NUTM2B: variants seen among roughly 807,000 people sequenced by gnomAD.
The protein encoded by NUTM2B is NUT family member 2B, also known as family with sequence similarity 22, member B.
In NUTM2B, 2 loss-of-function variants were observed where a neutral mutation model predicts 42.4. The ratio of observed to expected loss-of-function variants is 0.05; its 90% CI spans 0.02 to 0.15. The LOEUF is 0.15. Ranked by LOEUF, NUTM2B falls within the 10% of genes least tolerant of loss-of-function variation. NUTM2B has a pLI of 1.00. For synonymous variants in NUTM2B, 18 were observed against 402.4 expected (o/e 0.04, Z 11.43); for missense variants, 58 against 952.6 (o/e 0.06, Z 12.36).
chr10:79,700,940 G>A (rs2434100), upstream of NUTM2B, among the ~76,000 whole-genome samples: 237 of 152,238 alleles, frequency 1.6e-3, 1 homozygote, highest in African/African-American at 5.1e-3. Flanking sequence ...CTCCATGACC[G>A]TGCCTCTGAG....
At chr10:79,696,937 T>C in the NUTM2B span, among the ~76,000 whole-genome samples, 1 of 135,500 alleles carries the variant, frequency 7.4e-6, no homozygotes. Flanking sequence ...TCTGATCGGC[T>C]GTCAGAGTGT....
At chr10:79,695,589 G>A in the NUTM2B span, among the ~76,000 whole-genome samples, 12 of 152,140 alleles carry the variant, frequency 7.9e-5, no homozygotes, top group Non-Finnish European at 1.8e-4. Context: ...CCCCACCCAG[G>A]AGGCAGATGG....
At chr10:79,705,573 G>A (rs1320302211) in intron 1 of NUTM2B, among the ~76,000 whole-genome samples, 1 of 150,750 alleles carries the variant, frequency 6.6e-6, no homozygotes, top group Non-Finnish European at 1.5e-5. Flanking sequence ...AGAGCGTCAG[G>A]AAAAGGAAGA....
At chr10:79,694,896 G>T in the NUTM2B span, among the ~76,000 whole-genome samples, 1 of 152,070 alleles carries the variant, frequency 6.6e-6, no homozygotes, top group African/African-American at 2.4e-5. Context: ...CACCAGGCCT[G>T]GCTGTACATC....
At chr10:79,703,144 AT>A (rs1240689776), upstream of NUTM2B, 2 of 43,462 alleles carry the variant, frequency 4.6e-5, no homozygotes, top group Non-Finnish European at 8.6e-5. Flanking sequence ...CATGAAAAGT[AT>A]TGCTTGGTTA....
rs1248034577 is a variant in NUTM2B, at chr10:79,709,940, G to T, written c.1351+1G>T. The stretch of plus-strand genomic sequence containing the variant: ...GCCCCTGAGGTGGTCAAGCAGCCAG[G>T]TATGGCTTCCCACATTCCCACAGGA... On this transcript the variant is annotated splice_donor_variant, in intron 4 of 6. Transcript: ENST00000429828. LOFTEE classifies it high-confidence loss of function. The T allele has an allele frequency of 3.5e-6, 2 of 575,610 alleles. No homozygotes were observed. Among genetic ancestry groups the T allele is most frequent in the Non-Finnish European group, 5.2e-6 (2 of 385,918 alleles). 35.7% of individuals were successfully genotyped at this position (575,610 alleles called of 1,614,324 possible).
At chr10:79,694,610 C>A in the NUTM2B span, among the ~76,000 whole-genome samples, 1 of 152,008 alleles carries the variant, frequency 6.6e-6, no homozygotes, top group African/African-American at 2.4e-5. Flanking sequence ...CCAGCTCTGC[C>A]CGTGTCACTT....
At chr10:79,693,511 T>C in the NUTM2B span, among the ~76,000 whole-genome samples, 9 of 152,168 alleles carry the variant, frequency 5.9e-5, no homozygotes, top group East Asian at 1.9e-4. Context: ...CTCAAAAATA[T>C]TGAGCCCAGA....
chr10:79,693,740 G>A, the NUTM2B span, among the ~76,000 whole-genome samples: 1 of 152,160 alleles, frequency 6.6e-6, no homozygotes, highest in African/African-American at 2.4e-5. Context: ...AAAGCAGACA[G>A]AGCTCCATTC....
At chr10:79,696,013 A>C in the NUTM2B span, among the ~76,000 whole-genome samples, 1 of 144,558 alleles carries the variant, frequency 6.9e-6, no homozygotes, top group Non-Finnish European at 1.5e-5. Context: ...ATGACCAGGG[A>C]GGGTCTTTCT....
rs878961987 is a variant in NUTM2B, at chr10:79,707,176, T to C, written c.1082+435T>C. Among the ~76,000 whole-genome samples, 373 of 131,442 alleles carry C rather than the reference T, an allele frequency of 2.8e-3. 1 individual carries two copies. Among genetic ancestry groups the C allele is most frequent in the South Asian group, 3.7e-3 (12 of 3,222 alleles). The allele number at this position is 131,442 out of a possible 152,430, so 86.2% of individuals were successfully genotyped here. ...GCCCAGCAGGAACCTGGCACATGCC[T>C]GCAGTTCCGCTGAGGTCCAGTTAGC... On this transcript the variant is annotated intron_variant, in intron 2 of 6. Transcript: ENST00000429828.
the NUTM2B span, among the ~76,000 whole-genome samples, chr10:79,696,352 C>G: frequency 6.6e-6 from 1 of 152,032 alleles, no homozygotes; most frequent in Non-Finnish European, 1.5e-5. Flanking sequence ...TACAAGCCAG[C>G]TCCAGCACAG....
chr10:79,698,395 T>C (rs61863480), upstream of NUTM2B, among the ~76,000 whole-genome samples: 10,222 of 149,630 alleles, frequency 0.068, 364 homozygotes, highest in South Asian at 0.19. Flanking sequence ...TCCAAAGAAA[T>C]ACACTTTAAA....
chr10:79,695,432 T>C, the NUTM2B span, among the ~76,000 whole-genome samples: 6 of 152,274 alleles, frequency 3.9e-5, no homozygotes, highest in Non-Finnish European at 8.8e-5. Flanking sequence ...TCCACTGAGA[T>C]AAAACTCCTA....
the NUTM2B span, among the ~76,000 whole-genome samples, chr10:79,696,257 T>C: frequency 6.6e-6 from 1 of 151,330 alleles, no homozygotes; most frequent in Non-Finnish European, 1.5e-5. Flanking sequence ...TATCTCAGCA[T>C]GACTAATTTT....
At chr10:79,696,825 A>G in the NUTM2B span, among the ~76,000 whole-genome samples, 1 of 151,944 alleles carries the variant, frequency 6.6e-6, no homozygotes. Flanking sequence ...AGTGCTTAAC[A>G]GTGACACCCC....
chr10:79,700,854 C>G (rs1339770413), upstream of NUTM2B, among the ~76,000 whole-genome samples: 1 of 152,214 alleles, frequency 6.6e-6, no homozygotes, highest in African/African-American at 2.4e-5. Context: ...TAGGAGGGCC[C>G]CGCTGGAGAT....
At chr10:79,693,498 C>T in the NUTM2B span, among the ~76,000 whole-genome samples, 16 of 152,344 alleles carry the variant, frequency 1.1e-4, no homozygotes, top group East Asian at 1.5e-3. Flanking sequence ...ATGACATACA[C>T]TCCTCAAAAA....
chr10:79,699,859 T>C (rs955263535), upstream of NUTM2B, among the ~76,000 whole-genome samples: 9 of 152,270 alleles, frequency 5.9e-5, no homozygotes, highest in African/African-American at 1.9e-4. Flanking sequence ...TAAGAATTCA[T>C]ATAAACATAT....
Sources: allele counts gnomAD v4.1 joint callset (sites outside exome capture counted in the v4.1 genomes callset), GRCh38; gene constraint gnomAD v4.1.1; transcripts MANE v1.5; gene names NCBI Gene and HGNC (gene_info 2026-07-23, HGNC 2026-07-21).